The following CDK14 variants were observed in gnomAD, a reference collection of about 807,000 sequenced individuals.
CDK14 encodes cyclin-dependent kinase 14.
A neutral mutation model predicts 60.7 loss-of-function variants in CDK14; 34 were observed. That is an observed-to-expected ratio of 0.56 (90% CI 0.43 to 0.75). CDK14 has a LOEUF of 0.75. Ranked by LOEUF, CDK14 falls within the 30% of genes least tolerant of loss-of-function variation. The pLI is 0.00. For synonymous variants in CDK14, 197 were observed against 203.7 expected, an observed-to-expected ratio of 0.97 and a Z score of 0.28; for missense variants, 482 against 564.1, an observed-to-expected ratio of 0.85 and a Z score of 1.47.
chr7:91,014,513 A>G (rs922647610), intron 10 of CDK14, among the ~76,000 whole-genome samples: 1 of 152,170 alleles, frequency 6.6e-6, no homozygotes, highest in Non-Finnish European at 1.5e-5. Context: ...AGAGTTACCA[A>G]CTATAAAACA....
intron 14 of CDK14, among the ~76,000 whole-genome samples, chr7:91,120,365 C>T (rs187364183): frequency 1.3e-5 from 2 of 152,208 alleles, no homozygotes; most frequent in East Asian, 3.9e-4. Context: ...GAACTACAGT[C>T]ATCAGTATAT....
chr7:90,729,222 A>C (rs1036871041), intron 3 of CDK14, among the ~76,000 whole-genome samples: 1 of 151,316 alleles, frequency 6.6e-6, no homozygotes, highest in African/African-American at 2.4e-5. Context: ...ACTCCAACTA[A>C]TCATATCATT....
chr7:90,923,209 A>T (rs1225193283), intron 8 of CDK14, among the ~76,000 whole-genome samples: 1 of 147,360 alleles, frequency 6.8e-6, no homozygotes, highest in Non-Finnish European at 1.5e-5. Flanking sequence ...TCCCGGGTTC[A>T]CGCCATTCTC....
At chr7:90,851,651 G>A (rs1019575982) in intron 5 of CDK14, among the ~76,000 whole-genome samples, 1 of 152,068 alleles carries the variant, frequency 6.6e-6, no homozygotes, top group African/African-American at 2.4e-5. Flanking sequence ...TGTATGATAA[G>A]GTTACCTCTT....
At chr7:90,760,945 A>G (rs1804289949) in intron 4 of CDK14, among the ~76,000 whole-genome samples, 1 of 152,132 alleles carries the variant, frequency 6.6e-6, no homozygotes, top group South Asian at 2.1e-4. Context: ...TTATTTTTAA[A>G]CCCTAAATCC....
intron 2 of CDK14, among the ~76,000 whole-genome samples, chr7:90,653,364 C>G (rs1452562614): frequency 6.6e-6 from 1 of 152,046 alleles, no homozygotes; most frequent in East Asian, 1.9e-4. Flanking sequence ...AGTCTATTAA[C>G]AGCTATATAA....
chr7:90,623,457 C>T (rs1369446588), intron 2 of CDK14, among the ~76,000 whole-genome samples: 3 of 152,084 alleles, frequency 2.0e-5, no homozygotes, highest in African/African-American at 7.2e-5. Flanking sequence ...GACTGGGATA[C>T]TGGCATGGCA....
chr7:91,171,219 G>A (rs772652405), intron 14 of CDK14, among the ~76,000 whole-genome samples: 1 of 151,902 alleles, frequency 6.6e-6, no homozygotes, highest in East Asian at 2.0e-4. Flanking sequence ...GCGTGGTGGC[G>A]GGCGCCTGTA....
In CDK14 at chr7:90,788,207, C is replaced by T. The variant is rs149849966; in HGVS notation, c.465-2366C>T. 4.8e-3 allele frequency among the ~76,000 whole-genome samples: 732 copies of T among 152,160 alleles called. 4 individuals are homozygous for T. Among genetic ancestry groups the T allele is most frequent in the African/African-American group, 0.016 (660 of 41,488 alleles). The stretch of plus-strand genomic sequence containing the variant: ...AATATCTGTAAATGAGGGGAAAATT[C>T]CAAGCAGTTCCTGGAATCAGTTACT... On this transcript the variant is annotated intron_variant, in intron 4 of 14. Coordinates refer to ENST00000380050, the MANE Select transcript of CDK14 (RefSeq NM_001287135.2).
At chr7:91,175,280 G>A (rs956601047) in intron 14 of CDK14, among the ~76,000 whole-genome samples, 1 of 151,928 alleles carries the variant, frequency 6.6e-6, no homozygotes, top group African/African-American at 2.4e-5. Context: ...TCACCACCAG[G>A]CCTGCCTTAC....
chr7:91,087,205 A>C (rs1240188059), intron 12 of CDK14, among the ~76,000 whole-genome samples: 2 of 152,202 alleles, frequency 1.3e-5, no homozygotes, highest in Non-Finnish European at 1.5e-5. Flanking sequence ...GGGAGACTTT[A>C]TAATACTGGG....
rs556199388 is a variant in CDK14 at position 90,642,065 on chromosome 7, A to G, written c.123+37816A>G. ...TCCCACTGGCTCCCTCCCACAACACATGGGAATTATGGGAGCTACAAGATG... is the reference window on the plus strand; with the variant it reads ...TCCCACTGGCTCCCTCCCACAACACGTGGGAATTATGGGAGCTACAAGATG... On this transcript the variant is annotated intron_variant, in intron 2 of 14. Transcript: ENST00000380050. Among the ~76,000 whole-genome samples, 342 of 152,302 alleles carry G rather than the reference A, an allele frequency of 2.2e-3. 1 individual carries two copies. Among genetic ancestry groups the G allele is most frequent in the African/African-American group, 5.8e-3 (243 of 41,562 alleles).
At chr7:91,140,997 G>A (rs1426279122) in intron 14 of CDK14, among the ~76,000 whole-genome samples, 2 of 152,238 alleles carry the variant, frequency 1.3e-5, no homozygotes, top group East Asian at 3.9e-4. Flanking sequence ...AGAAGGAAGA[G>A]CAAACCAGGG....
At chr7:91,164,374 T>C (rs953945084) in intron 14 of CDK14, among the ~76,000 whole-genome samples, 3 of 152,222 alleles carry the variant, frequency 2.0e-5, no homozygotes, top group Non-Finnish European at 2.9e-5. Flanking sequence ...CATTAAATCC[T>C]TACAACAACC....
At chr7:90,789,088 G>A (rs721175) in intron 4 of CDK14, among the ~76,000 whole-genome samples, 97,377 of 151,938 alleles carry the variant, frequency 0.64, 31,652 homozygotes, top group East Asian at 0.96. Context: ...TTTAACTTAC[G>A]GACATATTTT....
rs144497752 is a variant in CDK14 at position 91,144,595 on chromosome 7, A to G, written c.*28+26387A>G. ...GGGAGAAGCGACGCAGATAACAGAA[A>G]TCATTGAGTTTGAGGATGCAGTGTT... On this transcript the variant is annotated intron_variant, in intron 14 of 14. Coordinates refer to ENST00000380050, the MANE Select transcript of CDK14 (RefSeq NM_001287135.2). Among the ~76,000 whole-genome samples the G allele has an allele frequency of 3.1e-3, 469 of 152,278 alleles. 2 individuals carry two copies. The highest frequency in any genetic ancestry group is 0.011 in the African/African-American group (452 of 41,546).
chr7:90,660,678 A>G (rs942230483), intron 2 of CDK14, among the ~76,000 whole-genome samples: 191 of 152,252 alleles, frequency 1.3e-3, no homozygotes, highest in Non-Finnish European at 9.0e-4. Flanking sequence ...TTTTCTGTGT[A>G]GTTTACTGTT....
intron 10 of CDK14, among the ~76,000 whole-genome samples, chr7:91,026,515 G>T (rs968745044): frequency 6.6e-6 from 1 of 152,204 alleles, no homozygotes; most frequent in Admixed American, 6.5e-5. Context: ...TGATGTGTTA[G>T]AGTATCTTTG....
chr7:91,020,208 A>G (rs1796399278), intron 10 of CDK14, among the ~76,000 whole-genome samples: 1 of 152,204 alleles, frequency 6.6e-6, no homozygotes, highest in Non-Finnish European at 1.5e-5. Flanking sequence ...AGGGATTGCA[A>G]AGTCCTATGG....
Sources: allele counts gnomAD v4.1 joint callset (sites outside exome capture counted in the v4.1 genomes callset), GRCh38; gene constraint gnomAD v4.1.1; transcripts MANE v1.5; gene names NCBI Gene and HGNC (gene_info 2026-07-23, HGNC 2026-07-21).